The following MTA3 variants were observed in gnomAD, a reference collection of about 807,000 sequenced individuals.
MTA3 encodes metastasis-associated protein MTA3.
MTA3 carries 34 observed loss-of-function variants against 83.5 expected under a neutral mutation model. That is an observed-to-expected ratio of 0.41 (90% CI 0.31 to 0.54). The LOEUF is 0.54. Ranked by LOEUF, MTA3 falls within the 20% of genes least tolerant of loss-of-function variation. MTA3 has a pLI of 0.33. For synonymous variants in MTA3, 303 were observed against 252.7 expected (o/e 1.20, Z -1.89); for missense variants, 761 against 726.4 (o/e 1.05, Z -0.55).
chr2:42,663,712 C>T (rs1689950380), intron 8 of MTA3, among the ~76,000 whole-genome samples: 1 of 152,158 alleles, frequency 6.6e-6, no homozygotes, highest in African/African-American at 2.4e-5. Context: ...CTGCAGTGAG[C>T]TATGATCATC....
At chr2:42,521,751 C>CTTTTTTTTTTTTT (rs35664371) in intron 2 of MTA3, among the ~76,000 whole-genome samples, 1 of 106,400 alleles carries the variant, frequency 9.4e-6, no homozygotes, top group Non-Finnish European at 1.8e-5. Context: ...ATCTTTCTCT[C>CTTTTTTTTTTTTT]TTTTTTTTTT....
intron 6 of MTA3, among the ~76,000 whole-genome samples, chr2:42,647,544 C>T (rs1343630859): frequency 1.3e-5 from 2 of 151,066 alleles, no homozygotes; most frequent in African/African-American, 4.9e-5. Context: ...TCCCACCCCG[C>T]CTCCCACTGC....
At chr2:42,510,785 G>C (rs183085624) in intron 2 of MTA3, among the ~76,000 whole-genome samples, 1 of 152,248 alleles carries the variant, frequency 6.6e-6, no homozygotes, top group South Asian at 2.1e-4. Context: ...GGAAGGAAGT[G>C]GGAGAGCCAG....
At chr2:42,554,005 G>A (rs1206481416) in intron 2 of MTA3, among the ~76,000 whole-genome samples, 3 of 151,716 alleles carry the variant, frequency 2.0e-5, no homozygotes, top group Admixed American at 6.6e-5. Flanking sequence ...AGGCCGAGGC[G>A]GGTGGATCAC....
intron 2 of MTA3, among the ~76,000 whole-genome samples, chr2:42,526,177 C>A (rs116148035): frequency 6.6e-6 from 1 of 152,054 alleles, no homozygotes; most frequent in African/African-American, 2.4e-5. Context: ...AGAGAAAGGC[C>A]GGTACAGGGG....
At chr2:42,596,462 T>G (rs1681799167) in intron 3 of MTA3, among the ~76,000 whole-genome samples, 1 of 152,238 alleles carries the variant, frequency 6.6e-6, no homozygotes, top group East Asian at 1.9e-4. Context: ...ATTTTGTAAT[T>G]GGCAGTTATG....
At chr2:42,686,887 G>C (rs1200280445) in intron 9 of MTA3, among the ~76,000 whole-genome samples, 1 of 151,320 alleles carries the variant, frequency 6.6e-6, no homozygotes, top group Non-Finnish European at 1.5e-5. Context: ...GGGAGGCTGA[G>C]ATGGGCAGAT....
chr2:42,634,199 C>G (rs1356846284), intron 4 of MTA3, among the ~76,000 whole-genome samples: 1 of 152,130 alleles, frequency 6.6e-6, no homozygotes, highest in Non-Finnish European at 1.5e-5. Flanking sequence ...TTGAGAAAAC[C>G]TGATATATAG....
chr2:42,719,537 T>G (rs1270590402), intron 15 of MTA3, among the ~76,000 whole-genome samples: 1 of 152,198 alleles, frequency 6.6e-6, no homozygotes, highest in Non-Finnish European at 1.5e-5. Flanking sequence ...TTTTAATTTT[T>G]TATTTTATTT....
intron 4 of MTA3, among the ~76,000 whole-genome samples, chr2:42,638,957 G>A (rs548535448): frequency 1.3e-5 from 2 of 150,148 alleles, no homozygotes; most frequent in African/African-American, 2.4e-5. Flanking sequence ...TGACCAATGT[G>A]TTAGCACTTT....
chr2:42,691,024 A>G (rs975830873), intron 9 of MTA3, among the ~76,000 whole-genome samples: 4 of 151,900 alleles, frequency 2.6e-5, no homozygotes, highest in Non-Finnish European at 5.9e-5. Flanking sequence ...CTACAGGTAC[A>G]CACCACCATG....
At chr2:42,600,040 C>CA (rs34734466) in intron 3 of MTA3, among the ~76,000 whole-genome samples, 114,144 of 151,474 alleles carry the variant, frequency 0.75, 43,376 homozygotes, top group South Asian at 0.88. Flanking sequence ...ACTAAAAATA[C>CA]AAAAAAAATT....
intron 2 of MTA3, among the ~76,000 whole-genome samples, chr2:42,521,683 A>G (rs1157932904): frequency 6.6e-6 from 1 of 151,520 alleles, no homozygotes; most frequent in Non-Finnish European, 1.5e-5. Context: ...CCAGTTTGAG[A>G]AGCCCTTTGT....
intron 15 of MTA3, among the ~76,000 whole-genome samples, chr2:42,720,771 A>T (rs1353915164): frequency 1.3e-5 from 2 of 151,846 alleles, no homozygotes; most frequent in Non-Finnish European, 2.9e-5. Flanking sequence ...AACATAGCAA[A>T]ACCCTGTCTC....
chr2:42,666,961 A>G (rs1241727394), intron 8 of MTA3, among the ~76,000 whole-genome samples: 1 of 152,192 alleles, frequency 6.6e-6, no homozygotes, highest in Non-Finnish European at 1.5e-5. Context: ...ACTAAGAGTG[A>G]TGTGTATATG....
intron 8 of MTA3, among the ~76,000 whole-genome samples, chr2:42,670,767 T>G (rs1238808465): frequency 6.7e-6 from 1 of 149,042 alleles, no homozygotes; most frequent in Non-Finnish European, 1.5e-5. Flanking sequence ...TATATATAGT[T>G]CTTAACAGTT....
intron 16 of MTA3, among the ~76,000 whole-genome samples, chr2:42,748,875 T>C (rs567467424): frequency 6.6e-6 from 1 of 152,374 alleles, no homozygotes; most frequent in African/African-American, 2.4e-5. Flanking sequence ...ATCACTTCGA[T>C]TCTGTGGAGG....
chr2:42,519,089 C>T (rs1675292802), intron 2 of MTA3, among the ~76,000 whole-genome samples: 1 of 151,420 alleles, frequency 6.6e-6, no homozygotes, highest in East Asian at 1.9e-4. Context: ...TGGGAAACTA[C>T]CCCAGCCAGT....
At chr2:42,594,728 A>ATTTTTTTTTTTTTTT (rs1211133796) in intron 3 of MTA3, among the ~76,000 whole-genome samples, 1 of 24,044 alleles carries the variant, frequency 4.2e-5, no homozygotes, top group African/African-American at 2.2e-4. Flanking sequence ...ATATATATAT[A>ATTTTTTTTTTTTTTT]TTTTTTTTTT....
Sources: gnomAD v4.1 joint callset for allele counts (sites outside exome capture counted in the v4.1 genomes callset) on GRCh38, gnomAD v4.1.1 for gene constraint, MANE v1.5 for transcripts, NCBI Gene and HGNC (gene_info 2026-07-23, HGNC 2026-07-21) for gene names.